Variants in IL1RAPL2 observed in about 807,000 individuals in gnomAD.
The protein encoded by IL1RAPL2 is X-linked interleukin-1 receptor accessory protein-like 2.
Under a neutral mutation model 44.1 loss-of-function variants are expected in IL1RAPL2, and 3 were observed. The observed-to-expected ratio is 0.07, with a 90% CI of 0.03 to 0.18. The LOEUF (loss-of-function observed/expected upper bound fraction) is 0.18, where lower values mean the gene tolerates loss of function less well. IL1RAPL2 is among the 10% of genes least tolerant of loss of function. IL1RAPL2 has a pLI of 1.00. For missense variants in IL1RAPL2, 391 were observed against 496.4 expected, an observed-to-expected ratio of 0.79 and a Z score of 2.02; for synonymous variants, 181 against 178.8, an observed-to-expected ratio of 1.01 and a Z score of -0.10.
chrX:104,585,481 A>G (rs1379078143), intron 1 of IL1RAPL2, among the ~76,000 whole-genome samples: 1 of 83,236 alleles, frequency 1.2e-5, no homozygotes, highest in Non-Finnish European at 2.2e-5. Flanking sequence ...GTACATGTGC[A>G]GGTTTGCTAC....
chrX:104,760,405 C>T (rs928097107), intron 2 of IL1RAPL2, among the ~76,000 whole-genome samples: 1 of 111,956 alleles, frequency 8.9e-6, no homozygotes, highest in African/African-American at 3.2e-5. Flanking sequence ...ACTAACAGTG[C>T]AGAAGGGTTC....
intron 2 of IL1RAPL2, among the ~76,000 whole-genome samples, chrX:104,713,582 A>T (rs765711258): frequency 9.0e-6 from 1 of 110,694 alleles, no homozygotes; most frequent in African/African-American, 3.3e-5. Flanking sequence ...CATGTATAAC[A>T]TCACATCTTT....
chrX:105,466,279 T>G (rs1346190150), intron 5 of IL1RAPL2, among the ~76,000 whole-genome samples: 1 of 111,149 alleles, frequency 9.0e-6, no homozygotes, highest in Admixed American at 9.6e-5. Flanking sequence ...TAAGACATAT[T>G]CAGTCAAAAT....
rs542928332 is a variant in IL1RAPL2 at position 104,584,936 on chromosome X, T to A, written c.-20+17885T>A. ...ATCATGGGAGCTATTTTAAAATTTT[T>A]TCTTTTATAGTTTTTTAAATTACAA... On this transcript the variant is annotated intron_variant, in intron 1 of 10. Coordinates refer to ENST00000372582, the MANE Select transcript of IL1RAPL2 (RefSeq NM_017416.2). 3.7e-5 allele frequency among the ~76,000 whole-genome samples: 4 copies of A among 108,672 alleles called. No individual in the cohort carries two copies. In the East Asian group the frequency reaches 1.2e-3, roughly 32 times the overall value. 94.4% of individuals were successfully genotyped at this position (108,672 alleles called of 115,157 possible).
intron 8 of IL1RAPL2, among the ~76,000 whole-genome samples, chrX:105,747,492 A>ATG (rs748769479): frequency 0.013 from 781 of 59,561 alleles, 6 homozygotes; most frequent in Non-Finnish European, 0.016. Flanking sequence ...GTGTGTGTGT[A>ATG]TGTGTGTGTG....
chrX:105,351,483 A>G (rs190795709), intron 5 of IL1RAPL2, among the ~76,000 whole-genome samples: 352 of 111,221 alleles, frequency 3.2e-3, no homozygotes, highest in Middle Eastern at 9.2e-3. Flanking sequence ...CTTTGCAGGG[A>G]CATGGATGAA....
intron 6 of IL1RAPL2, among the ~76,000 whole-genome samples, chrX:105,612,402 G>A (rs1464846788): frequency 8.9e-6 from 1 of 111,808 alleles, no homozygotes; most frequent in African/African-American, 3.3e-5. Context: ...CACTGTGCCT[G>A]GCCTAACCAA....
chrX:104,582,822 C>CTTTCTCTTTCTTTCTTTCTTACTT (rs748809592), intron 1 of IL1RAPL2, among the ~76,000 whole-genome samples: 1 of 40,663 alleles, frequency 2.5e-5, no homozygotes. Context: ...TCCTTTCTTT[C>CTTTCTCTTTCTTTCTTTCTTACTT]TCTTTCTTTC....
intron 2 of IL1RAPL2, among the ~76,000 whole-genome samples, chrX:104,678,090 C>T (rs1403608426): frequency 8.9e-6 from 1 of 112,751 alleles, no homozygotes; most frequent in African/African-American, 3.2e-5. Context: ...TAGACCAGAG[C>T]TGTTCCTATT....
intron 5 of IL1RAPL2, among the ~76,000 whole-genome samples, chrX:105,314,376 C>G (rs1232801878): frequency 1.8e-5 from 2 of 110,369 alleles, no homozygotes; most frequent in African/African-American, 6.6e-5. Flanking sequence ...CTCAGCATGA[C>G]ATACTCTGGG....
intron 3 of IL1RAPL2, among the ~76,000 whole-genome samples, chrX:105,227,809 C>G (rs1486955166): frequency 8.9e-6 from 1 of 111,960 alleles, no homozygotes; most frequent in East Asian, 2.8e-4. Flanking sequence ...TTCAATAAAA[C>G]TTTCTTTTCT....
chrX:104,602,061 C>T (rs1180657773), intron 1 of IL1RAPL2, among the ~76,000 whole-genome samples: 1 of 111,884 alleles, frequency 8.9e-6, no homozygotes, highest in Non-Finnish European at 1.9e-5. Context: ...CAAATAGGAA[C>T]AGCTCCGGTC....
intron 2 of IL1RAPL2, among the ~76,000 whole-genome samples, chrX:104,762,815 C>T (rs1204784544): frequency 9.0e-6 from 1 of 111,549 alleles, no homozygotes; most frequent in Non-Finnish European, 1.9e-5. Flanking sequence ...TGGTGGGATG[C>T]AGGACACCAA....
At chrX:104,823,499 T>A (rs1339393917) in intron 2 of IL1RAPL2, among the ~76,000 whole-genome samples, 2 of 108,785 alleles carry the variant, frequency 1.8e-5, no homozygotes, top group South Asian at 4.1e-4. Context: ...CAGTCTATCA[T>A]CGTTGGACAT....
At chrX:104,672,510 G>T (rs1456696289) in intron 2 of IL1RAPL2, among the ~76,000 whole-genome samples, 1 of 105,782 alleles carries the variant, frequency 9.5e-6, no homozygotes, top group East Asian at 3.0e-4. Flanking sequence ...TGGACATTTG[G>T]GTTGGTTCCA....
At chrX:104,802,720 A>G (rs945678901) in intron 2 of IL1RAPL2, among the ~76,000 whole-genome samples, 1 of 111,816 alleles carries the variant, frequency 8.9e-6, no homozygotes, top group African/African-American at 3.3e-5. Context: ...CATTCCCATT[A>G]TCTGTTGTAT....
intron 10 of IL1RAPL2, among the ~76,000 whole-genome samples, chrX:105,758,896 A>G (rs1367629258): frequency 8.9e-6 from 1 of 112,168 alleles, no homozygotes; most frequent in Non-Finnish European, 1.9e-5. Flanking sequence ...CACAAACTTG[A>G]GAAGTAGAGA....
chrX:105,177,858 T>A (rs73245761), intron 2 of IL1RAPL2, among the ~76,000 whole-genome samples: 2,030 of 111,591 alleles, frequency 0.018, 32 homozygotes, highest in Non-Finnish European at 0.03. Context: ...TCTTGATACA[T>A]AACAACTGTG....
At chrX:104,844,456 T>A (rs1162291562) in intron 2 of IL1RAPL2, among the ~76,000 whole-genome samples, 1 of 111,575 alleles carries the variant, frequency 9.0e-6, no homozygotes, top group Non-Finnish European at 1.9e-5. Flanking sequence ...ATACTGATGT[T>A]TCATGTGAAT....
Sources: gnomAD v4.1 joint callset for allele counts (sites outside exome capture counted in the v4.1 genomes callset) on GRCh38, gnomAD v4.1.1 for gene constraint, MANE v1.5 for transcripts, NCBI Gene and HGNC (gene_info 2026-07-23, HGNC 2026-07-21) for gene names.